RORA: variants seen among roughly 807,000 people sequenced by gnomAD.
The protein encoded by RORA is RAR related orphan receptor A.
A neutral mutation model predicts 69.5 loss-of-function variants in RORA; 7 were observed. The ratio of observed to expected loss-of-function variants is 0.10; its 90% CI spans 0.06 to 0.19. The LOEUF is 0.19. Among genes scored for constraint, RORA ranks in the 10% least tolerant of loss-of-function variants. The pLI, the probability that RORA is intolerant of heterozygous loss-of-function variation, is 1.00. For missense variants in RORA, 457 were observed against 663.0 expected (o/e 0.69, Z 3.41); for synonymous variants, 261 against 240.8 (o/e 1.08, Z -0.78).
At chr15:61,200,876 T>G (rs1485951003) in intron 1 of RORA, among the ~76,000 whole-genome samples, 1 of 152,156 alleles carries the variant, frequency 6.6e-6, no homozygotes, top group Non-Finnish European at 1.5e-5. Context: ...TGGATTCACT[T>G]TCTCATAATT....
chr15:61,178,480 T>A (rs1378749478), intron 1 of RORA, among the ~76,000 whole-genome samples: 1 of 152,138 alleles, frequency 6.6e-6, no homozygotes, highest in African/African-American at 2.4e-5. Context: ...CAGAAAAATA[T>A]GGATAAATAT....
intron 1 of RORA, among the ~76,000 whole-genome samples, chr15:61,137,091 G>C (rs1399372944): frequency 2.1e-5 from 3 of 141,844 alleles, no homozygotes; most frequent in African/African-American, 8.1e-5. Context: ...AAGAAAGAAA[G>C]AAAGAAAGAA....
intron 1 of RORA, among the ~76,000 whole-genome samples, chr15:60,838,977 C>G (rs912681905): frequency 6.6e-6 from 1 of 151,948 alleles, no homozygotes; most frequent in Non-Finnish European, 1.5e-5. Context: ...CAAGCTCCGC[C>G]TCCTGGGTTC....
At chr15:60,571,502 A>G (rs966481554) in intron 2 of RORA, among the ~76,000 whole-genome samples, 1 of 152,206 alleles carries the variant, frequency 6.6e-6, no homozygotes, top group Non-Finnish European at 1.5e-5. Context: ...AAAAGAGTTA[A>G]AGAGGCCTAA....
intron 2 of RORA, among the ~76,000 whole-genome samples, chr15:60,535,260 T>C (rs2066640704): frequency 6.6e-6 from 1 of 152,218 alleles, no homozygotes; most frequent in Non-Finnish European, 1.5e-5. Context: ...AGAGGTTTAT[T>C]GTGTAGTGGA....
At chr15:60,944,646 G>T (rs1277997676) in intron 1 of RORA, among the ~76,000 whole-genome samples, 1 of 146,284 alleles carries the variant, frequency 6.8e-6, no homozygotes, top group Non-Finnish European at 1.5e-5. Context: ...GACTGCTTGA[G>T]CAAAAGGGGC....
chr15:61,218,187 G>GTGTGTGTA (rs1238008626), intron 1 of RORA, among the ~76,000 whole-genome samples: 3 of 152,016 alleles, frequency 2.0e-5, no homozygotes, highest in East Asian at 3.9e-4. Context: ...GTGTGTGTGT[G>GTGTGTGTA]TGTGTGTGTG....
At chr15:61,182,100 C>A (rs759590254) in intron 1 of RORA, among the ~76,000 whole-genome samples, 6 of 152,192 alleles carry the variant, frequency 3.9e-5, no homozygotes, top group Non-Finnish European at 7.3e-5. Flanking sequence ...TATCTGTTTT[C>A]TTTACTGTAT....
At chr15:60,994,984 T>G (rs1233751850) in intron 1 of RORA, among the ~76,000 whole-genome samples, 1 of 151,960 alleles carries the variant, frequency 6.6e-6, no homozygotes, top group Non-Finnish European at 1.5e-5. Flanking sequence ...AAGGCCTAAT[T>G]ACAAGGGAGG....
intron 1 of RORA, among the ~76,000 whole-genome samples, chr15:61,138,655 AG>A (rs1455905115): frequency 2.0e-5 from 3 of 152,108 alleles, no homozygotes; most frequent in Admixed American, 2.0e-4. Context: ...CTAGAGATAC[AG>A]GGAGGGCCTT....
rs2073077302 is a variant in RORA at position 60,833,603 on chromosome 15, T to C, written c.167-154917A>G. On this transcript the variant is annotated intron_variant, in intron 1 of 10. Transcript: ENST00000335670. The stretch of plus-strand genomic sequence containing the variant: ...AAAAACTCTTCTCTTTTCCCTTAAG[T>C]TCACCAAACCCACCAAGCCCAATCT... 2.1e-5 allele frequency among the ~76,000 whole-genome samples: 3 copies of C among 144,586 alleles called. No individual in the cohort carries two copies. The South Asian group carries it at 6.3e-4, about 30-fold the overall frequency. The allele number at this position is 144,586 out of a possible 152,430, so 94.9% of individuals were successfully genotyped here.
intron 1 of RORA, among the ~76,000 whole-genome samples, chr15:61,197,066 A>C (rs894828316): frequency 3.3e-5 from 5 of 152,336 alleles, no homozygotes; most frequent in African/African-American, 1.2e-4. Context: ...CCGATGAGGG[A>C]GCTGTTCAGG....
At chr15:61,133,285 C>G (rs2140847847) in intron 1 of RORA, among the ~76,000 whole-genome samples, 1 of 152,248 alleles carries the variant, frequency 6.6e-6, no homozygotes, top group East Asian at 1.9e-4. Context: ...AGCCATTCTT[C>G]TTTGCATCTT....
chr15:60,623,617 G>A (rs2069479768), intron 2 of RORA, among the ~76,000 whole-genome samples: 1 of 152,116 alleles, frequency 6.6e-6, no homozygotes, highest in Non-Finnish European at 1.5e-5. Context: ...CAAGTGGCCT[G>A]GCTCCAGAGC....
At chr15:60,909,778 G>C (rs1262565165) in intron 1 of RORA, among the ~76,000 whole-genome samples, 6 of 152,232 alleles carry the variant, frequency 3.9e-5, no homozygotes, top group African/African-American at 1.4e-4. Flanking sequence ...TCTGGAAAGA[G>C]AGTGGCCTCA....
chr15:60,549,925 G>A (rs1445394996), intron 2 of RORA, among the ~76,000 whole-genome samples: 1 of 152,144 alleles, frequency 6.6e-6, no homozygotes, highest in Non-Finnish European at 1.5e-5. Flanking sequence ...TTTATGAAAC[G>A]AAAGTGATAT....
At chr15:60,633,095 C>T (rs944799445) in intron 2 of RORA, among the ~76,000 whole-genome samples, 3 of 152,186 alleles carry the variant, frequency 2.0e-5, no homozygotes, top group African/African-American at 7.2e-5. Context: ...ATGGATTGCC[C>T]TCATTTTTGT....
chr15:61,162,304 G>C (rs76458363), intron 1 of RORA, among the ~76,000 whole-genome samples: 1 of 152,240 alleles, frequency 6.6e-6, no homozygotes, highest in East Asian at 1.9e-4. Context: ...TCTGGTCCTC[G>C]GTCCTGGGTC....
Position 61,060,961 on chromosome 15 carries a change from A to G in RORA, c.166+168092T>C, listed in dbSNP as rs1051550078. Among the ~76,000 whole-genome samples the G allele has an allele frequency of 3.3e-5, 5 of 152,200 alleles. No homozygotes were observed. In the East Asian group the frequency reaches 9.6e-4, roughly 29 times the overall value. On this transcript the variant is annotated intron_variant, in intron 1 of 10. Coordinates refer to ENST00000335670, the MANE Select transcript of RORA (RefSeq NM_134261.3). ...ATGGGCCATGGGTTGGACAAGCTTG[A>G]TATAAAATGTCAAGCCTGAATCTAA...
Sources: gnomAD v4.1 joint callset for allele counts (sites outside exome capture counted in the v4.1 genomes callset) on GRCh38, gnomAD v4.1.1 for gene constraint, MANE v1.5 for transcripts, NCBI Gene and HGNC (gene_info 2026-07-23, HGNC 2026-07-21) for gene names.